The following CNTRL variants were observed in gnomAD, a reference collection of about 807,000 sequenced individuals.
The protein encoded by CNTRL is 110 kDa centrosomal protein.
In CNTRL, 233 loss-of-function variants were observed where a neutral mutation model predicts 303.7. The observed-to-expected ratio is 0.77, with a 90% confidence interval of 0.69 to 0.86. The LOEUF (loss-of-function observed/expected upper bound fraction) is 0.86, where lower values mean the gene tolerates loss of function less well. CNTRL is among the 40% of genes least tolerant of loss of function. CNTRL has a pLI of 0.00. For missense variants in CNTRL, 2,524 were observed against 2,650.6 expected, an observed-to-expected ratio of 0.95 and a Z score of 1.05; for synonymous variants, 900 against 922.2, an observed-to-expected ratio of 0.98 and a Z score of 0.44.
chr9:121,075,147 C>T (rs891474908), intron 1 of CNTRL, 80 bp downstream of exon 1: 2 of 352,654 alleles, frequency 5.7e-6, no homozygotes, highest in South Asian at 2.1e-5. Context: ...CGGGAAGGCC[C>T]GGACCGGGCG....
intron 6 of CNTRL, among the ~76,000 whole-genome samples, chr9:121,096,869 G>A: frequency 6.6e-6 from 1 of 152,058 alleles, no homozygotes. Flanking sequence ...CTATGAGTTA[G>A]GTAGTAGCAA....
intron 2 of CNTRL, among the ~76,000 whole-genome samples, chr9:121,084,791 G>A (rs1415649925): frequency 8.5e-5 from 13 of 152,206 alleles, no homozygotes; most frequent in Middle Eastern, 3.4e-3. Flanking sequence ...TGATCTGCCC[G>A]CCTCAGCCTC....
chr9:121,098,586 T>G lies in CNTRL; in HGVS notation c.808+14T>G. ...GATTCAGTTTAGGTAAGATTAAATT[T>G]AAAAAATAATAAATTTGGGTGAGGG... On this transcript the variant is annotated intron_variant, in intron 7 of 43. Coordinates refer to ENST00000373855, the MANE Select transcript of CNTRL (RefSeq NM_007018.6). The G allele has an allele frequency of 6.6e-7, 1 of 1,509,492 alleles. No homozygotes were observed. The highest frequency in any genetic ancestry group is 8.9e-7 in the Non-Finnish European group (1 of 1,117,856). 93.5% of individuals were successfully genotyped at this position (1,509,492 alleles called of 1,614,324 possible).
intron 32 of CNTRL, 114 bp from the exon 33 acceptor site, chr9:121,161,741 AC>A: frequency 1.5e-6 from 1 of 688,832 alleles, no homozygotes; most frequent in Non-Finnish European, 2.4e-6. Flanking sequence ...ATTCAGCTCA[AC>A]AAAATTTTTA....
intron 12 of CNTRL, 31 bp from the exon 13 acceptor site, chr9:121,123,900 G>A: frequency 6.6e-7 from 1 of 1,522,586 alleles, no homozygotes; most frequent in Non-Finnish European, 8.8e-7. Context: ...TAAGGAACTT[G>A]GAGTTTTGTT....
intron 13 of CNTRL, among the ~76,000 whole-genome samples, chr9:121,124,801 G>T (rs1166794704): frequency 6.6e-6 from 1 of 151,656 alleles, no homozygotes; most frequent in Admixed American, 6.6e-5. Flanking sequence ...AATTAGCCAG[G>T]CGTAGTGGTA....
chr9:121,154,794 G>A lies in CNTRL; in HGVS notation c.4246G>A (p.Asp1416Asn), dbSNP rs866228651. The A allele has an allele frequency of 1.9e-6, 3 of 1,612,356 alleles. No individual in the cohort carries two copies. Among genetic ancestry groups the A allele is most frequent in the African/African-American group, 1.3e-5 (1 of 75,026 alleles). The change falls in exon 27 of 44, where the codon GAT becomes AAT. Residue 1416 changes from aspartate to asparagine, a missense_variant. Physicochemically the swap from Asp to Asn is conservative, Grantham distance 23 (BLOSUM62 1). Transcript: ENST00000373855. ...AGAAAAATCACTCAAACATCATGAAGATATTGTAGATGAAATTGAGTGCAT... is the reference window on the plus strand; with the variant it reads ...AGAAAAATCACTCAAACATCATGAAAATATTGTAGATGAAATTGAGTGCAT... Reference protein sequence around the residue: ...EIEKSLKHHEDIVDEIECIEK... With the variant: ...EIEKSLKHHENIVDEIECIEK...
At chr9:121,140,808 C>T (rs1564261804) in intron 17 of CNTRL, 22 bp downstream of exon 17, 4 of 1,605,046 alleles carry the variant, frequency 2.5e-6, no homozygotes, top group Admixed American at 1.7e-5. Flanking sequence ...GCAAGACCTC[C>T]AAGTCTAGAG....
rs1011475268 is a variant in CNTRL, at chr9:121,157,452, T to A, written c.4366-18T>A. 3 of 1,610,846 alleles carry A rather than the reference T, an allele frequency of 1.9e-6. No homozygotes were observed. Among genetic ancestry groups the A allele is most frequent in the Middle Eastern group, 1.6e-4 (1 of 6,062 alleles). ...AGTATTGTAACTGAATGGCTTTTAA[T>A]GACAGTTTCTTTTCTAGACAAAAAA... On this transcript the variant is annotated intron_variant, in intron 27 of 43. Coordinates refer to ENST00000373855, the MANE Select transcript of CNTRL (RefSeq NM_007018.6).
chr9:121,146,036 A>G (rs2051832307), intron 22 of CNTRL, 72 bp from the exon 23 acceptor site: 1 of 1,363,472 alleles, frequency 7.3e-7, no homozygotes, highest in South Asian at 1.5e-5. Context: ...GCTCTCTTAG[A>G]ATCTCTTTTA....
intron 14 of CNTRL, among the ~76,000 whole-genome samples, chr9:121,126,295 CTTG>C (rs1293404040): frequency 2.0e-5 from 3 of 152,042 alleles, no homozygotes; most frequent in Admixed American, 6.6e-5. Context: ...TTTTCTTAGT[CTTG>C]TTGTTACTGG....
intron 25 of CNTRL, 77 bp from the exon 26 acceptor site, chr9:121,152,408 A>T: frequency 8.2e-7 from 1 of 1,220,814 alleles, no homozygotes; most frequent in South Asian, 1.3e-5. Flanking sequence ...ACCACAGTTA[A>T]TTTCAGCTTT....
At chr9:121,105,807 G>A (rs2049439665) in intron 7 of CNTRL, among the ~76,000 whole-genome samples, 1 of 152,158 alleles carries the variant, frequency 6.6e-6, no homozygotes, top group South Asian at 2.1e-4. Flanking sequence ...GAATAGTGGG[G>A]ACAGATGCTA....
intron 34 of CNTRL, among the ~76,000 whole-genome samples, chr9:121,162,480 GT>G (rs546797049): frequency 7.5e-6 from 1 of 133,222 alleles, no homozygotes; most frequent in Non-Finnish European, 1.6e-5. Context: ...AATCTATTTT[GT>G]TTTTTTTAAG....
chr9:121,112,837 C>T (rs977269807), intron 9 of CNTRL, among the ~76,000 whole-genome samples: 1 of 152,186 alleles, frequency 6.6e-6, no homozygotes, highest in Non-Finnish European at 1.5e-5. Flanking sequence ...TCGTCTAACT[C>T]GCAGCTATCT....
chr9:121,089,205 AT>A (rs1342207464), intron 3 of CNTRL, among the ~76,000 whole-genome samples: 1 of 152,204 alleles, frequency 6.6e-6, no homozygotes, highest in African/African-American at 2.4e-5. Flanking sequence ...GCATATTGTT[AT>A]TTCTAATTTG....
intron 2 of CNTRL, among the ~76,000 whole-genome samples, chr9:121,085,938 G>T (rs1390045145): frequency 1.3e-5 from 2 of 152,118 alleles, no homozygotes; most frequent in African/African-American, 4.8e-5. Context: ...CATTTCTTTT[G>T]TTTTTATTAT....
chr9:121,129,164 C>T lies in CNTRL; in HGVS notation c.2025+3228C>T, dbSNP rs572959966. On this transcript the variant is annotated intron_variant, in intron 14 of 43. Coordinates refer to ENST00000373855, the MANE Select transcript of CNTRL (RefSeq NM_007018.6). ...CATATGAACTTTAAAGTAGTTTTTT[C>T]GAACTCTGTGAAGAAAGTCATTGGT... 2.6e-4 allele frequency among the ~76,000 whole-genome samples: 40 copies of T among 152,206 alleles called. 1 individual carries two copies. The East Asian group carries it at 6.4e-3, about 24-fold the overall frequency.
Position 121,092,581 on chromosome 9 carries a change from A to G in CNTRL, c.348+2176A>G, listed in dbSNP as rs181832267. On this transcript the variant is annotated intron_variant, in intron 4 of 43. Coordinates refer to ENST00000373855, the MANE Select transcript of CNTRL (RefSeq NM_007018.6). ...ATATATAATATATATCTATATATAT[A>G]ATATATATCTATATATATAATATAT... Among the ~76,000 whole-genome samples the G allele has an allele frequency of 5.8e-4, 2 of 3,478 alleles. 1 individual carries two copies. The highest frequency in any genetic ancestry group is 1.5e-3 in the African/African-American group (2 of 1,334). The allele number at this position is 3,478 out of a possible 152,430, so 2.3% of individuals were successfully genotyped here. A position where few individuals can be genotyped will look rare whatever the true frequency, so the allele number is the denominator to read the frequency against.
Sources: allele counts gnomAD v4.1 joint callset (sites outside exome capture counted in the v4.1 genomes callset), GRCh38; gene constraint gnomAD v4.1.1; transcripts MANE v1.5; gene names NCBI Gene and HGNC (gene_info 2026-07-23, HGNC 2026-07-21).